HSH2D: variants seen among roughly 807,000 people sequenced by gnomAD.
HSH2D encodes the protein hematopoietic SH2 domain-containing protein.
A neutral mutation model predicts 21.5 loss-of-function variants in HSH2D; 16 were observed. The observed-to-expected ratio is 0.74, with a 90% confidence interval of 0.50 to 1.13. HSH2D has a LOEUF of 1.13. Among genes scored for constraint, HSH2D ranks in the 50% most tolerant of loss-of-function variants. The pLI, the probability that HSH2D is intolerant of heterozygous loss-of-function variation, is 0.00. For missense variants in HSH2D, 418 were observed against 441.4 expected (o/e 0.95, Z 0.47); for synonymous variants, 172 against 184.7 (o/e 0.93, Z 0.56).
At chr19:16,152,108 C>CA (rs35744412) in intron 2 of HSH2D, among the ~76,000 whole-genome samples, 1,664 of 89,148 alleles carry the variant, frequency 0.019, 55 homozygotes, top group African/African-American at 0.071. Flanking sequence ...TCTGTCTCAA[C>CA]AAAAAAAAAA....
chr19:16,137,352 G>A (rs1335437352), intron 1 of HSH2D, among the ~76,000 whole-genome samples: 1 of 152,042 alleles, frequency 6.6e-6, no homozygotes, highest in African/African-American at 2.4e-5. Flanking sequence ...ATCCGGCCGG[G>A]CGCGGTAGCT....
At position 16,143,750 on chromosome 19, in the gene HSH2D, C is replaced by T. The variant is rs568849799; in HGVS notation, c.-52C>T. 2 of 453,948 alleles carry T rather than the reference C, an allele frequency of 4.4e-6. No individual in the cohort carries two copies. Among genetic ancestry groups the T allele is most frequent in the Middle Eastern group, 3.3e-4 (1 of 3,060 alleles). 28.1% of individuals were successfully genotyped at this position (453,948 alleles called of 1,614,324 possible). A position where few individuals can be genotyped will look rare whatever the true frequency, so the allele number is the denominator to read the frequency against. ...GGCACTGGCACAGCTACAGCGAGGGCCTCGGCCATCCAAGGGTCTCCCAGG... is the reference window on the plus strand; with the variant it reads ...GGCACTGGCACAGCTACAGCGAGGGTCTCGGCCATCCAAGGGTCTCCCAGG... On this transcript the variant is annotated 5_prime_UTR_variant, in exon 1 of 6. Coordinates refer to ENST00000613986, the MANE Select transcript of HSH2D (RefSeq NM_001382417.1).
upstream of HSH2D, among the ~76,000 whole-genome samples, chr19:16,142,557 G>T (rs113346486): frequency 7.0e-3 from 1,067 of 152,190 alleles, 10 homozygotes; most frequent in African/African-American, 0.024. Context: ...TCCACCTCCC[G>T]GGTTCAAGCG....
chr19:16,153,788 C>T (rs2091198612), intron 4 of HSH2D, among the ~76,000 whole-genome samples: 1 of 150,896 alleles, frequency 6.6e-6, no homozygotes, highest in South Asian at 2.1e-4. Flanking sequence ...GTGGGCGTGG[C>T]CTAGCCCCTA....
chr19:16,151,337 A>G (rs189575911), intron 2 of HSH2D: 28 of 261,044 alleles, frequency 1.1e-4, no homozygotes, highest in African/African-American at 4.6e-4. Flanking sequence ...AAAAAAAAAA[A>G]AAAAAGAGAG....
At chr19:16,151,091 A>G (rs2091142314) in intron 2 of HSH2D, among the ~76,000 whole-genome samples, 1 of 152,142 alleles carries the variant, frequency 6.6e-6, no homozygotes, top group Non-Finnish European at 1.5e-5. Flanking sequence ...TGGGAGGCCG[A>G]GGCGGGCGGA....
chr19:16,146,334 G>A (rs759880528), intron 1 of HSH2D, among the ~76,000 whole-genome samples: 7 of 152,116 alleles, frequency 4.6e-5, no homozygotes, highest in East Asian at 3.8e-4. Flanking sequence ...GTGTAGTGAC[G>A]TTGGTGGCAG....
chr19:16,156,713 T>C lies in HSH2D; in HGVS notation c.475-497T>C, dbSNP rs181047957. 2.6e-3 allele frequency among the ~76,000 whole-genome samples: 397 copies of C among 152,162 alleles called. 2 individuals carry two copies. The highest frequency in any genetic ancestry group is 9.3e-3 in the African/African-American group (386 of 41,512). ...TGTAAAAGAAGTTTGCCAGGCCAGG[T>C]GCGGTGGCTCTCATCTGTAATCCCA... On this transcript the variant is annotated intron_variant, in intron 5 of 5. Transcript: ENST00000613986.
intron 2 of HSH2D, among the ~76,000 whole-genome samples, chr19:16,149,733 A>G (rs2145041634): frequency 6.6e-6 from 1 of 151,052 alleles, no homozygotes; most frequent in South Asian, 2.1e-4. Context: ...GGCATGCACC[A>G]CCGCACCCGG....
At chr19:16,153,873 G>A (rs1428068546) in intron 4 of HSH2D, among the ~76,000 whole-genome samples, 1 of 151,832 alleles carries the variant, frequency 6.6e-6, no homozygotes, top group African/African-American at 2.4e-5. Flanking sequence ...AACTGCTGTG[G>A]GCGGGGCATC....
At chr19:16,145,427 G>T (rs1411381975) in intron 1 of HSH2D, among the ~76,000 whole-genome samples, 1 of 152,016 alleles carries the variant, frequency 6.6e-6, no homozygotes, top group African/African-American at 2.4e-5. Flanking sequence ...TGGCCAGGCT[G>T]GTCTCAAACT....
intron 1 of HSH2D, among the ~76,000 whole-genome samples, chr19:16,144,743 A>G (rs1399668437): frequency 2.4e-5 from 3 of 123,248 alleles, no homozygotes; most frequent in Non-Finnish European, 4.7e-5. Flanking sequence ...CCCAGGCTGG[A>G]GTGCAGTGGC....
In HSH2D at chr19:16,152,639, C is replaced by G; in HGVS notation, c.213C>G (p.Tyr71Ter). The G allele has an allele frequency of 1.9e-6, 3 of 1,539,596 alleles. No individual in the cohort carries two copies. The highest frequency in any genetic ancestry group is 2.3e-5 in the East Asian group (1 of 43,924). The change falls in exon 3 of 6, where the codon TAC becomes TAG. Residue 71 changes from tyrosine (Y) to a stop codon, truncating the protein, a stop_gained and splice_region_variant. Transcript: ENST00000613986. LOFTEE classifies it high-confidence loss of function. ...SHSHVGYTLS[Y>*]KAQSSCCHFM... ...GCCATGTGGGCTACACACTCTCCTA[C>G]AAGTAAGGCCTGGGCCGGGATCCAG...
Position 16,157,964 on chromosome 19 carries a change from A to AGT in HSH2D, c.*171_*172insTG. 2 of 560,600 alleles carry AGT rather than the reference A, an allele frequency of 3.6e-6. No individual in the cohort carries two copies. The highest frequency in any genetic ancestry group is 1.9e-5 in the African/African-American group (1 of 53,118). The allele number at this position is 560,600 out of a possible 1,614,324, so 34.7% of individuals were successfully genotyped here. A position where few individuals can be genotyped will look rare whatever the true frequency, so the allele number is the denominator to read the frequency against. ...TGTTCCTGCACTCACCCATGGGGTGAGCTGGTTATTTTAGCAACAATCATC... is the reference window on the plus strand; with the variant it reads ...TGTTCCTGCACTCACCCATGGGGTGAGTGCTGGTTATTTTAGCAACAATCATC... On this transcript the variant is annotated 3_prime_UTR_variant, in exon 6 of 6. Transcript: ENST00000613986. The surrounding 1 kb of genome is among the most constrained non-coding windows in gnomAD (Gnocchi z 4.4).
intron 1 of HSH2D, among the ~76,000 whole-genome samples, chr19:16,135,032 G>C (rs1445159732): frequency 1.3e-5 from 2 of 150,482 alleles, no homozygotes; most frequent in African/African-American, 4.8e-5. Context: ...ACTTTGGGAG[G>C]CCGAGGTGGG....
At chr19:16,150,255 T>C (rs2091130451) in intron 2 of HSH2D, among the ~76,000 whole-genome samples, 1 of 151,768 alleles carries the variant, frequency 6.6e-6, no homozygotes, top group South Asian at 2.1e-4. Context: ...AAAAGGAATT[T>C]TAGGCTGGGT....
upstream of HSH2D, among the ~76,000 whole-genome samples, chr19:16,139,147 A>G (rs10439169): frequency 2.4e-3 from 368 of 152,332 alleles, no homozygotes; most frequent in African/African-American, 8.5e-3. Flanking sequence ...CATAAGCCAC[A>G]GCACCCGGCC....
chr19:16,146,876 A>G (rs2091078004), intron 1 of HSH2D, among the ~76,000 whole-genome samples: 1 of 147,724 alleles, frequency 6.8e-6, no homozygotes. Context: ...CCCAGGCTGG[A>G]GTGCAATGGC....
chr19:16,136,088 C>T (rs182311112), intron 1 of HSH2D, among the ~76,000 whole-genome samples: 1 of 152,268 alleles, frequency 6.6e-6, no homozygotes, highest in East Asian at 1.9e-4. Flanking sequence ...TGCTAGAGGC[C>T]TGCCCTGGTG....
Sources: gnomAD v4.1 joint callset for allele counts (sites outside exome capture counted in the v4.1 genomes callset) on GRCh38, gnomAD v4.1.1 for gene constraint, Gnocchi (gnomAD v3.1) non-coding constraint, MANE v1.5 for transcripts, NCBI Gene and HGNC (gene_info 2026-07-23, HGNC 2026-07-21) for gene names.